PDCD2L: variants seen among roughly 807,000 people sequenced by gnomAD.
PDCD2L encodes programmed cell death 2 like.
PDCD2L carries 44 observed loss-of-function variants against 40.4 expected under a neutral mutation model. The ratio of observed to expected loss-of-function variants is 1.09; its 90% CI spans 0.86 to 1.40. The LOEUF (loss-of-function observed/expected upper bound fraction) is 1.40, where lower values mean the gene tolerates loss of function less well. Among genes scored for constraint, PDCD2L ranks in the 40% most tolerant of loss-of-function variants. The probability of loss-of-function intolerance (pLI) is 0.00; values close to 1 mark genes in which losing one functional copy is unlikely to be tolerated. For missense variants in PDCD2L, 470 were observed against 453.7 expected, an observed-to-expected ratio of 1.04 and a Z score of -0.33; for synonymous variants, 194 against 174.6, an observed-to-expected ratio of 1.11 and a Z score of -0.88.
At chr19:34,407,363 T>C (rs1241864560) in intron 3 of PDCD2L, among the ~76,000 whole-genome samples, 1 of 151,954 alleles carries the variant, frequency 6.6e-6, no homozygotes, top group African/African-American at 2.4e-5. Flanking sequence ...ATGGTGTCGA[T>C]CTCTTTACCT....
In PDCD2L at chr19:34,426,142, A is replaced by C. The variant is rs1412653786; in HGVS notation, c.*22A>C. 4 of 1,469,192 alleles carry C rather than the reference A, an allele frequency of 2.7e-6. No individual in the cohort carries two copies. The East Asian group carries it at 9.3e-5, about 34-fold the overall frequency. The allele number at this position is 1,469,192 out of a possible 1,614,324, so 91.0% of individuals were successfully genotyped here. A position where few individuals can be genotyped will look rare whatever the true frequency, so the allele number is the denominator to read the frequency against. On this transcript the variant is annotated 3_prime_UTR_variant, in exon 7 of 7. Transcript: ENST00000246535. ...GTAGAGCATTTCCTTTTATTAATAT[A>C]AATTAAAACAAATGTTTACATCCAA...
At chr19:34,408,372 C>T (rs1189289284) in intron 3 of PDCD2L, among the ~76,000 whole-genome samples, 1 of 151,896 alleles carries the variant, frequency 6.6e-6, no homozygotes, top group East Asian at 1.9e-4. Flanking sequence ...GCTCTGTCAC[C>T]CAGGCTGGAG....
At chr19:34,406,640 C>G (rs946134192) in intron 3 of PDCD2L, among the ~76,000 whole-genome samples, 1 of 151,918 alleles carries the variant, frequency 6.6e-6, no homozygotes, top group African/African-American at 2.4e-5. Flanking sequence ...ATCCACCCAC[C>G]TCGGCCTCCC....
chr19:34,423,780 G>A (rs572024053), intron 6 of PDCD2L, among the ~76,000 whole-genome samples: 137 of 152,114 alleles, frequency 9.0e-4, no homozygotes, highest in African/African-American at 2.6e-3. Flanking sequence ...ATGAGCCACC[G>A]CGCCTGGCCA....
At chr19:34,404,614 G>A (rs748986746) in intron 1 of PDCD2L, 35 bp from the exon 2 acceptor site, 16 of 1,601,980 alleles carry the variant, frequency 1.0e-5, no homozygotes, top group Non-Finnish European at 1.3e-5. Context: ...GTCCTGGGGG[G>A]AGTCGGGGTC....
intron 6 of PDCD2L, among the ~76,000 whole-genome samples, chr19:34,425,469 A>ATT (rs767827228): frequency 7.0e-6 from 1 of 141,972 alleles, no homozygotes; most frequent in East Asian, 2.1e-4. Context: ...CACCCAGTGA[A>ATT]TTTTTTTTTT....
At chr19:34,410,427 T>G (rs1255237578) in intron 4 of PDCD2L, among the ~76,000 whole-genome samples, 2 of 152,086 alleles carry the variant, frequency 1.3e-5, no homozygotes, top group Non-Finnish European at 2.9e-5. Flanking sequence ...AATTTTTGTA[T>G]TTTTAGTAGA....
intron 5 of PDCD2L, among the ~76,000 whole-genome samples, chr19:34,420,305 G>A (rs2075144672): frequency 6.6e-6 from 1 of 150,770 alleles, no homozygotes. Flanking sequence ...TTGTCCACTA[G>A]GTTTTTTTTT....
intron 5 of PDCD2L, 46 bp from the exon 6 acceptor site, chr19:34,421,473 C>A: frequency 6.2e-7 from 1 of 1,601,042 alleles, no homozygotes; most frequent in Non-Finnish European, 8.5e-7. Context: ...TGCTAGAATG[C>A]GACTTGTGTG....
At chr19:34,405,343 G>C (rs2075069470) in intron 3 of PDCD2L, among the ~76,000 whole-genome samples, 1 of 150,756 alleles carries the variant, frequency 6.6e-6, no homozygotes, top group Non-Finnish European at 1.5e-5. Flanking sequence ...ACGGGGTTTC[G>C]CCATGGTGGT....
At position 34,421,584 on chromosome 19, in the gene PDCD2L, C is replaced by T. The variant is rs757444273; in HGVS notation, c.863C>T (p.Ala288Val). The T allele has an allele frequency of 6.2e-7, 1 of 1,614,146 alleles. No homozygotes were observed. ...ACATCAGAAGTCACCGAGCTCCCAG[C>T]CTGCAGCCAGTGTGGAGGCCAAAGG... ...CPTSEVTELPACSQCGGQRIF... is the reference protein window; with the variant it reads ...CPTSEVTELPVCSQCGGQRIF... The change falls in exon 6 of 7, where the codon GCC (alanine) becomes GTC (valine). Residue 288 changes from alanine to valine, a missense_variant. By Grantham distance (64) the Ala-to-Val change is moderately conservative (BLOSUM62 0). Transcript: ENST00000246535.
rs1482856386 is a variant in PDCD2L at position 34,421,629 on chromosome 19, T to C, written c.908T>C (p.Met303Thr). The change falls in exon 6 of 7, where the codon ATG becomes ACG. Residue 303 changes from methionine to threonine, a missense_variant. Transcript: ENST00000246535. Reference sequence around the variant, plus strand: ...CAAAGGATATTTGAGTTTCAGCTTATGCCAGCACTGGTCAGCATGCTCAAG... The same window carrying C: ...CAAAGGATATTTGAGTTTCAGCTTACGCCAGCACTGGTCAGCATGCTCAAG... The part of the protein sequence containing the change: ...GGQRIFEFQL[M>T]PALVSMLKSA... 2 of 1,614,194 alleles carry C rather than the reference T, an allele frequency of 1.2e-6. No homozygotes were observed. Among genetic ancestry groups the C allele is most frequent in the South Asian group, 1.1e-5 (1 of 91,088 alleles).
At chr19:34,414,591 T>C (rs2145465370) in intron 5 of PDCD2L, among the ~76,000 whole-genome samples, 1 of 141,602 alleles carries the variant, frequency 7.1e-6, no homozygotes, top group African/African-American at 2.7e-5. Context: ...TGGGCTCAAG[T>C]GATCCTCCCA....
intron 5 of PDCD2L, among the ~76,000 whole-genome samples, chr19:34,414,474 C>CT (rs35413401): frequency 0.021 from 854 of 39,826 alleles, 135 homozygotes; most frequent in African/African-American, 0.037. Context: ...CCATGCCTGG[C>CT]TTTTTTTTTT....
At chr19:34,408,280 T>G (rs1163377567) in intron 3 of PDCD2L, among the ~76,000 whole-genome samples, 1 of 152,168 alleles carries the variant, frequency 6.6e-6, no homozygotes, top group Non-Finnish European at 1.5e-5. Flanking sequence ...ACAGTGGTGT[T>G]TGCCTATATT....
At chr19:34,421,165 C>T (rs2075149029) in intron 5 of PDCD2L, among the ~76,000 whole-genome samples, 1 of 152,134 alleles carries the variant, frequency 6.6e-6, no homozygotes, top group South Asian at 2.1e-4. Context: ...GGTCCATGGC[C>T]TGGGGGTCCA....
At chr19:34,413,662 A>T in intron 4 of PDCD2L, 75 bp from the exon 5 acceptor site, 1 of 953,890 alleles carries the variant, frequency 1.0e-6, no homozygotes, top group Non-Finnish European at 1.6e-6. Flanking sequence ...AAAGAAAATT[A>T]TCTTGTTTTG....
chr19:34,411,225 G>C (rs2075101680), intron 4 of PDCD2L, among the ~76,000 whole-genome samples: 1 of 142,478 alleles, frequency 7.0e-6, no homozygotes, highest in South Asian at 2.2e-4. Flanking sequence ...AACTGCAGTG[G>C]TGTGGTGTGG....
Position 34,404,455 on chromosome 19 carries a change from C to T in PDCD2L, c.25C>T (p.Leu9=). MAAVLKPV[L]LGLRDAPVHG... is the part of the protein sequence containing the mutation. ...CATGGCGGCCGTTCTGAAGCCGGTG[C>T]TGCTGGGCCTTCGAGATGCGCCGGT... Residue 9 remains leucine, a synonymous_variant, in exon 1 of 7, where the codon CTG becomes TTG. Transcript: ENST00000246535. The T allele has an allele frequency of 1.9e-6, 3 of 1,545,084 alleles. No homozygotes were observed. Among genetic ancestry groups the T allele is most frequent in the Non-Finnish European group, 2.6e-6 (3 of 1,146,160 alleles).
Sources: allele counts gnomAD v4.1 joint callset (sites outside exome capture counted in the v4.1 genomes callset), GRCh38; gene constraint gnomAD v4.1.1; transcripts MANE v1.5; gene names NCBI Gene and HGNC (gene_info 2026-07-23, HGNC 2026-07-21).